Variants in MEGF6 observed in about 807,000 individuals in gnomAD.
MEGF6 encodes the protein multiple epidermal growth factor-like domains protein 6.
Under a neutral mutation model 207.1 loss-of-function variants are expected in MEGF6, and 184 were observed. The ratio of observed to expected loss-of-function variants is 0.89; its 90% CI spans 0.79 to 1.00. The LOEUF is 1.00. MEGF6 is among the 50% of genes least tolerant of loss of function. The pLI is 0.00. For missense variants in MEGF6, 2,282 were observed against 2,202.9 expected, an observed-to-expected ratio of 1.04 and a Z score of -0.72; for synonymous variants, 1,038 against 910.0, an observed-to-expected ratio of 1.14 and a Z score of -2.53.
rs1234137364 is a variant in MEGF6, at chr1:3,489,886, G to C, written c.*642C>G. On this transcript the variant is annotated 3_prime_UTR_variant, in exon 37 of 37. Coordinates refer to ENST00000356575, the MANE Select transcript of MEGF6 (RefSeq NM_001409.4). ...GGCCCCAGGGAGGAGCCCACACAGA[G>C]TCCACGTAACACAGCAAACACACAG... is the stretch of plus-strand genomic sequence containing the variant. 1 of 152,396 alleles carries C rather than the reference G, an allele frequency of 6.6e-6. No homozygotes were observed. Among genetic ancestry groups the C allele is most frequent in the East Asian group, 1.9e-4 (1 of 5,190 alleles). The allele number at this position is 152,396 out of a possible 1,614,324, so 9.4% of individuals were successfully genotyped here.
intron 3 of MEGF6, among the ~76,000 whole-genome samples, chr1:3,590,222 C>A (rs968441290): frequency 6.6e-6 from 1 of 152,160 alleles, no homozygotes; most frequent in African/African-American, 2.4e-5. Context: ...TCCAGGCTGG[C>A]GCTCATCTGC....
At chr1:3,494,964 T>G (rs1459112262) in intron 30 of MEGF6, among the ~76,000 whole-genome samples, 2 of 152,196 alleles carry the variant, frequency 1.3e-5, no homozygotes, top group African/African-American at 4.8e-5. Context: ...GTCTAGGAAC[T>G]GAGGGTGGCT....
chr1:3,506,122 C>T lies in MEGF6; in HGVS notation c.1904G>A (p.Arg635His), dbSNP rs377488176. ...GTGAGACTCACTGAGGTGGCAGAAGCGGCCGTAGAGCCCTGGGTCGCAGAG... is the reference window on the plus strand; with the variant it reads ...GTGAGACTCACTGAGGTGGCAGAAGTGGCCGTAGAGCCCTGGGTCGCAGAG... Reference protein sequence around the residue: ...ACLCDPGLYGRFCHLTCPPWA... With the variant: ...ACLCDPGLYGHFCHLTCPPWA... Residue 635 changes from arginine (R) to histidine (H), a missense_variant, in exon 15 of 37, where the codon CGC (arginine) becomes CAC (histidine). Physicochemically the swap from Arg to His is conservative, Grantham distance 29. Transcript: ENST00000356575. The T allele has an allele frequency of 3.5e-5, 56 of 1,593,654 alleles. No individual in the cohort carries two copies. The highest frequency in any genetic ancestry group is 2.7e-4 in the African/African-American group (20 of 74,668).
chr1:3,574,927 G>C (rs749945038), intron 4 of MEGF6, among the ~76,000 whole-genome samples: 1 of 152,222 alleles, frequency 6.6e-6, no homozygotes, highest in Non-Finnish European at 1.5e-5. Flanking sequence ...ACAGGTGTGA[G>C]CCACCACGCC....
chr1:3,601,535 G>A (rs557379535), intron 2 of MEGF6, among the ~76,000 whole-genome samples: 1 of 152,296 alleles, frequency 6.6e-6, no homozygotes, highest in South Asian at 2.1e-4. Flanking sequence ...ACTGGGCCGG[G>A]TCGTCTGTTC....
rs1377498737 is a variant in MEGF6 at position 3,594,675 on chromosome 1, A to G, written c.376+663T>C. ...CCCATGCCTGAAACCCTTCCCAAAC[A>G]TCTCTGTAGCTGTGAGCCCCATTCC... On this transcript the variant is annotated intron_variant, in intron 3 of 36. Coordinates refer to ENST00000356575, the MANE Select transcript of MEGF6 (RefSeq NM_001409.4). The surrounding 1 kb of genome is among the most constrained non-coding windows in gnomAD (Gnocchi z 4.2). Among the ~76,000 whole-genome samples the G allele has an allele frequency of 6.6e-6, 1 of 152,000 alleles. No homozygotes were observed. The highest frequency in any genetic ancestry group is 1.5e-5 in the Non-Finnish European group (1 of 67,974).
At chr1:3,610,992 T>C in intron 1 of MEGF6, 146 bp downstream of exon 1, 1 of 1,124,254 alleles carries the variant, frequency 8.9e-7, no homozygotes, top group African/African-American at 1.6e-5. Flanking sequence ...GCCCTGTGTC[T>C]CAGCCACCTC....
intron 4 of MEGF6, among the ~76,000 whole-genome samples, chr1:3,561,947 C>A (rs999920708): frequency 5.3e-5 from 8 of 152,260 alleles, no homozygotes; most frequent in Non-Finnish European, 8.8e-5. Flanking sequence ...TCCTTGGTTC[C>A]TCCAAAGATC....
chr1:3,511,926 A>G, intron 8 of MEGF6, 80 bp downstream of exon 8: 1 of 1,595,068 alleles, frequency 6.3e-7, no homozygotes, highest in Non-Finnish European at 8.5e-7. Flanking sequence ...CCTGCCCTTC[A>G]GCCAAAGCAG....
At chr1:3,568,669 A>G (rs1328143817) in intron 4 of MEGF6, among the ~76,000 whole-genome samples, 3 of 152,112 alleles carry the variant, frequency 2.0e-5, no homozygotes, top group Admixed American at 6.5e-5. Context: ...GATGCCAGCC[A>G]GTGCCCTATG....
chr1:3,510,156 C>A (rs1349663791), intron 10 of MEGF6, among the ~76,000 whole-genome samples, 164 bp from the exon 11 acceptor site: 2 of 152,136 alleles, frequency 1.3e-5, no homozygotes. Context: ...GCCACAGAGG[C>A]CACTCTGGCC....
At position 3,510,000 on chromosome 1, in the gene MEGF6, C is replaced by G. The variant is rs746386386; in HGVS notation, c.1235-8G>C. On this transcript the variant is annotated splice_polypyrimidine_tract_variant and splice_region_variant and intron_variant, in intron 10 of 36. Coordinates refer to ENST00000356575, the MANE Select transcript of MEGF6 (RefSeq NM_001409.4). Reference sequence around the variant, plus strand: ...AGGCGCACTCATCCACATCTGCGGGCGACCCGGGACCACTGAGGCCTGTGC... The same window carrying G: ...AGGCGCACTCATCCACATCTGCGGGGGACCCGGGACCACTGAGGCCTGTGC... The G allele has an allele frequency of 6.3e-7, 1 of 1,580,526 alleles. No individual in the cohort carries two copies. Among genetic ancestry groups the G allele is most frequent in the South Asian group, 1.1e-5 (1 of 87,078 alleles).
intron 4 of MEGF6, among the ~76,000 whole-genome samples, chr1:3,574,721 C>T (rs1420850627): frequency 3.9e-5 from 6 of 152,228 alleles, no homozygotes; most frequent in Non-Finnish European, 1.5e-5. Flanking sequence ...TGGCTCACTG[C>T]AACCTCCACC....
Position 3,500,709 on chromosome 1 carries a change from A to G in MEGF6, c.2631T>C (p.Ala877=). The change falls in exon 21 of 37, where the codon GCT becomes GCC. Residue 877 remains alanine, a synonymous_variant. Coordinates refer to ENST00000356575, the MANE Select transcript of MEGF6 (RefSeq NM_001409.4). Reference sequence around the variant, plus strand: ...TGATGGCATCACAGCTCCCGTGGCCAGCGCTGCAGTTGCAGGGGTGGCTGC... The same window carrying G: ...TGATGGCATCACAGCTCCCGTGGCCGGCGCTGCAGTTGCAGGGGTGGCTGC... ...PDCSHPCNCS[A]GHGSCDAISG... is the part of the protein sequence containing the mutation. 1 of 1,592,326 alleles carries G rather than the reference A, an allele frequency of 6.3e-7. No individual in the cohort carries two copies. Among genetic ancestry groups the G allele is most frequent in the Non-Finnish European group, 8.5e-7 (1 of 1,169,804 alleles).
Position 3,508,552 on chromosome 1 carries a change from CCTCA to C in MEGF6, c.1660+2_1660+5del. ...CCAGCCCCCAGCCCCTGCCCAGCTGCCTCACTCTCATTGCAGATGAGCCCAGTCC... is the reference window on the plus strand; with the variant it reads ...CCAGCCCCCAGCCCCTGCCCAGCTGCCTCTCATTGCAGATGAGCCCAGTCC... On this transcript the variant is annotated splice_donor_variant and splice_donor_5th_base_variant and intron_variant, in intron 13 of 36. Transcript: ENST00000356575. LOFTEE classifies it high-confidence loss of function. 6.2e-7 allele frequency: 1 copy of C among 1,612,020 alleles called. No homozygotes were observed. The highest frequency in any genetic ancestry group is 8.5e-7 in the Non-Finnish European group (1 of 1,179,168).
rs148559223 is a variant in MEGF6 at position 3,524,231 on chromosome 1, C to T, written c.497G>A (p.Arg166Gln). 7.4e-6 allele frequency: 12 copies of T among 1,612,164 alleles called. No homozygotes were observed. The highest frequency in any genetic ancestry group is 2.2e-5 in the East Asian group (1 of 44,876). The change falls in exon 5 of 37, where the codon CGA becomes CAA. Residue 166 changes from arginine to glutamine, a missense_variant. Transcript: ENST00000356575. ...PRCQYDVDECRTHNGGCQHRC... is the reference protein window; with the variant it reads ...PRCQYDVDECQTHNGGCQHRC... ...GTGCTGGCAGCCACCGTTGTGGGTT[C>T]GGCATTCGTCCACATCTGAGCAGGA... is the stretch of plus-strand genomic sequence containing the variant.
Position 3,490,941 on chromosome 1 carries a change from G to A in MEGF6, c.4535C>T (p.Pro1512Leu). ...GCCCTGGGCTAAGGACGGGTTCTCG[G>A]GGAGCCGGAGGGGCCCACCTGGAGG... Reference protein sequence around the residue: ...TCREGGPLRLPENPSLAQGSA... With the variant: ...TCREGGPLRLLENPSLAQGSA... Residue 1512 changes from proline to leucine, a missense_variant, in exon 36 of 37, where the codon CCC (proline) becomes CTC (leucine). Physicochemically the swap from Pro to Leu is moderately conservative, Grantham distance 98 (BLOSUM62 -3). Transcript: ENST00000356575. 1.2e-6 allele frequency: 2 copies of A among 1,601,336 alleles called. No individual in the cohort carries two copies. The highest frequency in any genetic ancestry group is 1.7e-6 in the Non-Finnish European group (2 of 1,175,898).
At chr1:3,541,260 G>A (rs1642507355) in intron 4 of MEGF6, among the ~76,000 whole-genome samples, 1 of 152,180 alleles carries the variant, frequency 6.6e-6, no homozygotes, top group South Asian at 2.1e-4. Flanking sequence ...GCTTGGCATG[G>A]AGTGTGGGTC....
At chr1:3,510,100 A>G in intron 10 of MEGF6, 108 bp from the exon 11 acceptor site, 1 of 1,393,018 alleles carries the variant, frequency 7.2e-7, no homozygotes, top group Non-Finnish European at 9.5e-7. Context: ...TGGCCCTGCC[A>G]GAGCTGAGTA....
Sources: gnomAD v4.1 joint callset for allele counts (sites outside exome capture counted in the v4.1 genomes callset) on GRCh38, gnomAD v4.1.1 for gene constraint, Gnocchi (gnomAD v3.1) non-coding constraint, MANE v1.5 for transcripts, NCBI Gene and HGNC (gene_info 2026-07-23, HGNC 2026-07-21) for gene names.